Variants in PAG1 observed in about 807,000 individuals in gnomAD.
PAG1 encodes phosphoprotein membrane anchor with glycosphingolipid microdomains 1.
A neutral mutation model predicts 31.7 loss-of-function variants in PAG1; 23 were observed. The ratio of observed to expected loss-of-function variants is 0.73; its 90% CI spans 0.52 to 1.03. The LOEUF (loss-of-function observed/expected upper bound fraction) is 1.03. Among genes scored for constraint, PAG1 ranks in the 50% least tolerant of loss-of-function variants. The probability of loss-of-function intolerance (pLI) is 0.00; values close to 1 mark genes in which losing one functional copy is unlikely to be tolerated. For synonymous variants in PAG1, 214 were observed against 210.3 expected (o/e 1.02, Z -0.15); for missense variants, 473 against 540.7 (o/e 0.87, Z 1.24).
At chr8:81,024,043 ATG>A (rs1227672888) in intron 3 of PAG1, among the ~76,000 whole-genome samples, 18 of 152,222 alleles carry the variant, frequency 1.2e-4, no homozygotes, top group African/African-American at 3.9e-4. Flanking sequence ...TGCAGTGTTT[ATG>A]TGAGTCATAA....
At position 81,028,408 on chromosome 8, in the gene PAG1, ACATAGGCTAATTTTCATTTGTAC is replaced by A. The variant is rs1230152002; in HGVS notation, c.-81+1565_-81+1587del. Among the ~76,000 whole-genome samples the A allele has an allele frequency of 2.0e-5, 3 of 152,232 alleles. No individual in the cohort carries two copies. In the East Asian group the frequency reaches 5.8e-4, roughly 29 times the overall value. ...GCTTCTGTGAACCACCAGATGACGT[ACATAGGCTAATTTTCATTTGTAC>A]CAATGTGAATGCTGACGTACAAAGG... On this transcript the variant is annotated intron_variant, in intron 3 of 8. Transcript: ENST00000220597.
At position 81,104,397 on chromosome 8, in the gene PAG1, T is replaced by C. The variant is rs986635809; in HGVS notation, c.-234+7194A>G. Among the ~76,000 whole-genome samples, 17 of 152,144 alleles carry C rather than the reference T, an allele frequency of 1.1e-4. No homozygotes were observed. In the East Asian group the frequency reaches 3.1e-3, roughly 28 times the overall value. Reference sequence around the variant, plus strand: ...CCTTGGCCTTCGTCCTTTTTTTTTTTTTTTTCAGTCCACACGTTCTCACAG... The same window carrying C: ...CCTTGGCCTTCGTCCTTTTTTTTTTCTTTTTCAGTCCACACGTTCTCACAG... On this transcript the variant is annotated intron_variant, in intron 1 of 8. Coordinates refer to ENST00000220597, the MANE Select transcript of PAG1 (RefSeq NM_018440.4).
chr8:81,053,410 C>T (rs974231678), intron 2 of PAG1, among the ~76,000 whole-genome samples: 2 of 152,152 alleles, frequency 1.3e-5, no homozygotes, highest in Non-Finnish European at 2.9e-5. Flanking sequence ...TATCTAAAGT[C>T]GAGAAATGGA....
At chr8:81,111,327 TA>T (rs1809770074) in intron 1 of PAG1, among the ~76,000 whole-genome samples, 1 of 152,074 alleles carries the variant, frequency 6.6e-6, no homozygotes, top group African/African-American at 2.4e-5. Flanking sequence ...AATGAATAAT[TA>T]GCACGCAGCA....
Position 80,977,036 on chromosome 8 carries a change from A to G in PAG1, c.937-130T>C, listed in dbSNP as rs1807200311. ...ACTCCTTAAAGATTTGTTCTTTCTTATCTGTACTAATTATGGAGCACATTA... is the reference window on the plus strand; with the variant it reads ...ACTCCTTAAAGATTTGTTCTTTCTTGTCTGTACTAATTATGGAGCACATTA... On this transcript the variant is annotated intron_variant, in intron 8 of 8. Coordinates refer to ENST00000220597, the MANE Select transcript of PAG1 (RefSeq NM_018440.4). The G allele has an allele frequency of 4.0e-6, 3 of 758,734 alleles. No homozygotes were observed. In the South Asian group the frequency reaches 5.4e-5, roughly 14 times the overall value. 47.0% of individuals were successfully genotyped at this position (758,734 alleles called of 1,614,324 possible). A position where few individuals can be genotyped will look rare whatever the true frequency, so the allele number is the denominator to read the frequency against.
Position 80,976,272 on chromosome 8 carries a change from G to C in PAG1, c.*272C>G, listed in dbSNP as rs1351855201. ...AATGAGATGAGACCACTGACAGCTG[G>C]GATCTTTTGTGGGTGGTGAGGGTGC... On this transcript the variant is annotated 3_prime_UTR_variant, in exon 9 of 9. Transcript: ENST00000220597. 5.2e-6 allele frequency: 2 copies of C among 385,046 alleles called. No homozygotes were observed. The highest frequency in any genetic ancestry group is 5.0e-5 in the East Asian group (1 of 19,822). 23.9% of individuals were successfully genotyped at this position (385,046 alleles called of 1,614,324 possible). A position where few individuals can be genotyped will look rare whatever the true frequency, so the allele number is the denominator to read the frequency against.
intron 6 of PAG1, among the ~76,000 whole-genome samples, chr8:80,986,947 T>C (rs192852952): frequency 6.6e-6 from 1 of 152,258 alleles, no homozygotes; most frequent in African/African-American, 2.4e-5. Flanking sequence ...GACCTCAGAA[T>C]TGCAAGTCAA....
In PAG1 at chr8:81,100,829, T is replaced by A. The variant is rs190892212; in HGVS notation, c.-234+10762A>T. On this transcript the variant is annotated intron_variant, in intron 1 of 8. Coordinates refer to ENST00000220597, the MANE Select transcript of PAG1 (RefSeq NM_018440.4). Reference sequence around the variant, plus strand: ...GTGGAGAAGCAAAAGCTAATTCTAATATAAGGCTGACAGTTTTTAGGAAAT... The same window carrying A: ...GTGGAGAAGCAAAAGCTAATTCTAAAATAAGGCTGACAGTTTTTAGGAAAT... Among the ~76,000 whole-genome samples, 79 of 152,310 alleles carry A rather than the reference T, an allele frequency of 5.2e-4. 1 individual carries two copies. Among genetic ancestry groups the A allele is most frequent in the African/African-American group, 1.8e-3 (74 of 41,576 alleles).
chr8:81,048,074 GC>G (rs1808671610), intron 2 of PAG1, among the ~76,000 whole-genome samples: 1 of 152,122 alleles, frequency 6.6e-6, no homozygotes, highest in African/African-American at 2.4e-5. Context: ...TGATTCACCA[GC>G]CTTGACTTCT....
intron 3 of PAG1, among the ~76,000 whole-genome samples, chr8:81,022,783 G>C (rs954894903): frequency 6.6e-6 from 1 of 152,140 alleles, no homozygotes; most frequent in African/African-American, 2.4e-5. Flanking sequence ...TTCACTGAGA[G>C]CTGGGACAGG....
At chr8:81,038,130 G>A (rs910432457) in intron 2 of PAG1, among the ~76,000 whole-genome samples, 2 of 152,216 alleles carry the variant, frequency 1.3e-5, no homozygotes, top group African/African-American at 4.8e-5. Flanking sequence ...TTGGAGGGTT[G>A]CTGCCCCAGC....
At chr8:81,063,503 G>A (rs577973961) in intron 2 of PAG1, among the ~76,000 whole-genome samples, 2 of 152,294 alleles carry the variant, frequency 1.3e-5, no homozygotes, top group African/African-American at 4.8e-5. Flanking sequence ...GCTTTCATAA[G>A]ACGGAGTGGG....
chr8:81,011,033 A>T (rs966376564), intron 3 of PAG1, among the ~76,000 whole-genome samples: 1 of 151,624 alleles, frequency 6.6e-6, no homozygotes, highest in African/African-American at 2.4e-5. Flanking sequence ...TCTCCCGTCC[A>T]CTCCACTACA....
intron 1 of PAG1, among the ~76,000 whole-genome samples, chr8:81,096,356 T>C (rs1809528103): frequency 6.6e-6 from 1 of 152,068 alleles, no homozygotes; most frequent in Non-Finnish European, 1.5e-5. Flanking sequence ...AAGATCACTT[T>C]ATAAAAAAGG....
intron 2 of PAG1, among the ~76,000 whole-genome samples, chr8:81,052,071 G>A (rs1177085165): frequency 4.6e-5 from 7 of 151,508 alleles, no homozygotes; most frequent in South Asian, 2.1e-4. Context: ...CGGAGCTTGC[G>A]GTGAGCCGAT....
chr8:80,999,728 A>T (rs1390123340), intron 3 of PAG1, among the ~76,000 whole-genome samples: 1 of 152,196 alleles, frequency 6.6e-6, no homozygotes, highest in East Asian at 1.9e-4. Context: ...AATACATTAA[A>T]CTTACATCAC....
At chr8:81,002,509 A>G (rs1332589693) in intron 3 of PAG1, among the ~76,000 whole-genome samples, 1 of 152,218 alleles carries the variant, frequency 6.6e-6, no homozygotes, top group Non-Finnish European at 1.5e-5. Flanking sequence ...TGGTCATTTC[A>G]TATGTCAAAG....
rs561924633 is a variant in PAG1 at position 81,101,958 on chromosome 8, G to A, written c.-234+9633C>T. 2.6e-5 allele frequency among the ~76,000 whole-genome samples: 4 copies of A among 152,146 alleles called. 1 individual carries two copies. Among genetic ancestry groups the A allele is most frequent in the South Asian group, 2.1e-4 (1 of 4,818 alleles). On this transcript the variant is annotated intron_variant, in intron 1 of 8. Transcript: ENST00000220597. ...TATATACTCATAGAAAGATGAGTAC[G>A]AAATGCAGTTTAATTGTTCATCTTG...
rs1192652728 is a variant in PAG1, at chr8:80,985,229, T to C, written c.423A>G (p.Ala141=). The C allele has an allele frequency of 1.9e-6, 3 of 1,614,042 alleles. No homozygotes were observed. In the South Asian group the frequency reaches 3.3e-5, roughly 18 times the overall value. ...RELPRIPPES[A]VDTMLTARSV... is the part of the protein sequence containing the mutation. The stretch of plus-strand genomic sequence containing the variant: ...TTCTCGCCGTGAGCATGGTATCCAC[T>C]GCGCTCTCGGGAGGGATTCTGGGCA... Residue 141 remains alanine, a synonymous_variant, in exon 7 of 9, where the codon GCA becomes GCG. Transcript: ENST00000220597.
Sources: allele counts gnomAD v4.1 joint callset (sites outside exome capture counted in the v4.1 genomes callset), GRCh38; gene constraint gnomAD v4.1.1; transcripts MANE v1.5; gene names NCBI Gene and HGNC (gene_info 2026-07-23, HGNC 2026-07-21).